Variants in PDE7B observed in about 807,000 individuals in gnomAD.
PDE7B encodes 3',5'-cyclic-AMP phosphodiesterase 7B.
In PDE7B, 29 loss-of-function variants were observed where a neutral mutation model predicts 56.2. The ratio of observed to expected loss-of-function variants is 0.52; its 90% CI spans 0.38 to 0.70. The LOEUF (loss-of-function observed/expected upper bound fraction) is 0.70, where lower values mean the gene tolerates loss of function less well. Ranked by LOEUF, PDE7B falls within the 30% of genes least tolerant of loss-of-function variation. The pLI, the probability that PDE7B is intolerant of heterozygous loss-of-function variation, is 0.00. For missense variants in PDE7B, 490 were observed against 565.0 expected (o/e 0.87, Z 1.35); for synonymous variants, 197 against 196.9 (o/e 1.00, Z 0.00).
At chr6:135,917,770 T>C (rs949860872) in intron 1 of PDE7B, among the ~76,000 whole-genome samples, 1 of 152,242 alleles carries the variant, frequency 6.6e-6, no homozygotes, top group African/African-American at 2.4e-5. Flanking sequence ...GTTAATTTAC[T>C]TATGAATCAG....
chr6:135,965,246 T>C (rs973386913), intron 2 of PDE7B, among the ~76,000 whole-genome samples: 1 of 151,958 alleles, frequency 6.6e-6, no homozygotes, highest in Admixed American at 6.5e-5. Context: ...GGAGTAACAG[T>C]GGTAGAGGCG....
chr6:135,957,348 T>C (rs1215255546), intron 2 of PDE7B, among the ~76,000 whole-genome samples: 1 of 152,160 alleles, frequency 6.6e-6, no homozygotes, highest in African/African-American at 2.4e-5. Context: ...TGGAGCAGTT[T>C]TGAGGACCCA....
At chr6:136,170,101 T>C (rs1427387429) in intron 8 of PDE7B, among the ~76,000 whole-genome samples, 3 of 152,186 alleles carry the variant, frequency 2.0e-5, no homozygotes, top group African/African-American at 7.2e-5. Context: ...GTTTTCCTAA[T>C]GGAGCATTGA....
At chr6:136,097,306 T>A (rs1008849325) in intron 2 of PDE7B, among the ~76,000 whole-genome samples, 4 of 152,184 alleles carry the variant, frequency 2.6e-5, no homozygotes, top group African/African-American at 9.7e-5. Context: ...ACAAACTGGG[T>A]CCTTCTAGAA....
intron 2 of PDE7B, among the ~76,000 whole-genome samples, chr6:136,003,892 A>T (rs1299498855): frequency 6.6e-6 from 1 of 152,180 alleles, no homozygotes; most frequent in Non-Finnish European, 1.5e-5. Flanking sequence ...GGGCAGAGAC[A>T]CAACCAAAAA....
chr6:136,127,510 TCTA>T (rs1298816074), intron 3 of PDE7B, among the ~76,000 whole-genome samples: 51 of 152,344 alleles, frequency 3.3e-4, no homozygotes, highest in African/African-American at 1.2e-3. Context: ...TCAGTAATAT[TCTA>T]CTATTATTAC....
chr6:136,167,379 T>C (rs1161802041), intron 8 of PDE7B, among the ~76,000 whole-genome samples: 2 of 152,136 alleles, frequency 1.3e-5, no homozygotes, highest in African/African-American at 4.8e-5. Context: ...GGTAACTGAA[T>C]CATGGGGGCA....
At chr6:136,065,259 C>T (rs1409606229) in intron 2 of PDE7B, among the ~76,000 whole-genome samples, 3 of 152,142 alleles carry the variant, frequency 2.0e-5, no homozygotes, top group East Asian at 1.9e-4. Flanking sequence ...TACAAATCAG[C>T]TTATCAAATT....
At chr6:136,012,847 C>A (rs1330920437) in intron 2 of PDE7B, 1 of 152,126 alleles carries the variant, frequency 6.6e-6, no homozygotes, top group South Asian at 2.1e-4. Context: ...AAAGTAATTT[C>A]CCCCCTTTTA....
chr6:136,073,584 T>G (rs1013022), intron 2 of PDE7B, among the ~76,000 whole-genome samples: 65,190 of 151,934 alleles, frequency 0.43, 14,107 homozygotes, highest in South Asian at 0.5. Flanking sequence ...TTCATACAAG[T>G]GCACTAGTCA....
At chr6:136,137,078 T>C (rs922245486) in intron 3 of PDE7B, among the ~76,000 whole-genome samples, 4 of 152,074 alleles carry the variant, frequency 2.6e-5, no homozygotes, top group African/African-American at 9.7e-5. Context: ...CCAATAACTG[T>C]AGTACAAGAC....
At chr6:135,883,172 C>T (rs1305684831) in intron 1 of PDE7B, among the ~76,000 whole-genome samples, 1 of 152,114 alleles carries the variant, frequency 6.6e-6, no homozygotes, top group Non-Finnish European at 1.5e-5. Flanking sequence ...CAATTTATGT[C>T]CACCACTAAA....
chr6:136,167,631 A>C (rs1194749479), intron 8 of PDE7B, among the ~76,000 whole-genome samples: 1 of 152,204 alleles, frequency 6.6e-6, no homozygotes, highest in African/African-American at 2.4e-5. Context: ...CAGTAGCATG[A>C]AAACGGACTA....
At chr6:135,966,766 T>G (rs935780175) in intron 2 of PDE7B, among the ~76,000 whole-genome samples, 2 of 152,150 alleles carry the variant, frequency 1.3e-5, no homozygotes. Flanking sequence ...AAGGAAAAAT[T>G]TGTGTGAATT....
At chr6:136,122,649 T>TG (rs1306843460) in intron 3 of PDE7B, among the ~76,000 whole-genome samples, 1 of 152,232 alleles carries the variant, frequency 6.6e-6, no homozygotes, top group Non-Finnish European at 1.5e-5. Context: ...ATTCTAAAAT[T>TG]AGCTGGTATC....
intron 2 of PDE7B, among the ~76,000 whole-genome samples, chr6:136,060,729 G>A (rs915350660): frequency 1.3e-5 from 2 of 152,104 alleles, no homozygotes; most frequent in African/African-American, 4.8e-5. Context: ...AAATAAGAAG[G>A]CTTTGTACAG....
At chr6:136,039,111 A>G (rs1776374248) in intron 2 of PDE7B, among the ~76,000 whole-genome samples, 1 of 152,098 alleles carries the variant, frequency 6.6e-6, no homozygotes, top group Admixed American at 6.5e-5. Context: ...ATTGATATCA[A>G]CTCACTCACA....
chr6:136,103,971 T>A (rs144935686), intron 2 of PDE7B, among the ~76,000 whole-genome samples: 278 of 152,292 alleles, frequency 1.8e-3, no homozygotes, highest in African/African-American at 6.4e-3. Context: ...TACATAGACA[T>A]CTGCTTCCTA....
At chr6:136,016,893 CA>C (rs893664672) in intron 2 of PDE7B, among the ~76,000 whole-genome samples, 4 of 152,176 alleles carry the variant, frequency 2.6e-5, no homozygotes, top group Non-Finnish European at 4.4e-5. Flanking sequence ...ATAATGCAGT[CA>C]AAGACACTGT....
Sources: allele counts gnomAD v4.1 joint callset (sites outside exome capture counted in the v4.1 genomes callset), GRCh38; gene constraint gnomAD v4.1.1; transcripts MANE v1.5; gene names NCBI Gene and HGNC (gene_info 2026-07-23, HGNC 2026-07-21).